Variants in FHIT observed in about 807,000 individuals in gnomAD.
The protein encoded by FHIT is bis(5'-adenosyl)-triphosphatase.
Under a neutral mutation model 17.9 loss-of-function variants are expected in FHIT, and 19 were observed. The observed-to-expected ratio is 1.06, with a 90% CI of 0.74 to 1.56. The LOEUF is 1.56. FHIT is among the 40% of genes most tolerant of loss of function. The pLI is 0.00. For missense variants in FHIT, 248 were observed against 189.2 expected, an observed-to-expected ratio of 1.31 and a Z score of -1.82; for synonymous variants, 81 against 69.7, an observed-to-expected ratio of 1.16 and a Z score of -0.81.
chr3:60,945,955 G>A (rs1708623331), intron 3 of FHIT, among the ~76,000 whole-genome samples: 1 of 152,170 alleles, frequency 6.6e-6, no homozygotes, highest in Non-Finnish European at 1.5e-5. Context: ...GCATAGTTGT[G>A]TGTCCTCCAT....
Position 60,770,482 on chromosome 3 carries a change from C to T in FHIT, c.-18+51437G>A, listed in dbSNP as rs569009352. ...GGCATGCGGTCTGCCCTCCTCTTCTCAGGCCACACAAGACTTCACTGTGGA... is the reference window on the plus strand; with the variant it reads ...GGCATGCGGTCTGCCCTCCTCTTCTTAGGCCACACAAGACTTCACTGTGGA... On this transcript the variant is annotated intron_variant, in intron 4 of 9. Transcript: ENST00000492590. Among the ~76,000 whole-genome samples the T allele has an allele frequency of 7.2e-5, 11 of 152,234 alleles. No homozygotes were observed. The South Asian group carries it at 2.3e-3, about 32-fold the overall frequency.
At chr3:59,782,418 C>A (rs1048754140) in intron 8 of FHIT, among the ~76,000 whole-genome samples, 1 of 152,160 alleles carries the variant, frequency 6.6e-6, no homozygotes, top group African/African-American at 2.4e-5. Context: ...CCATCCACAG[C>A]CTCTACATCC....
intron 3 of FHIT, among the ~76,000 whole-genome samples, chr3:61,021,310 A>C (rs2032411639): frequency 6.6e-6 from 1 of 152,202 alleles, no homozygotes; most frequent in Non-Finnish European, 1.5e-5. Flanking sequence ...GAAAAAGAAC[A>C]GAAATCAGGC....
At chr3:60,654,674 C>T (rs1240059496) in intron 4 of FHIT, among the ~76,000 whole-genome samples, 3 of 152,128 alleles carry the variant, frequency 2.0e-5, no homozygotes, top group African/African-American at 7.2e-5. Context: ...AATCCATTTG[C>T]ACCTGATTCT....
chr3:61,203,811 C>T (rs2039112903), intron 1 of FHIT, among the ~76,000 whole-genome samples: 1 of 152,186 alleles, frequency 6.6e-6, no homozygotes, highest in Non-Finnish European at 1.5e-5. Flanking sequence ...TACTGATTAA[C>T]TTGTTAAGGA....
chr3:60,146,104 C>T (rs1559674781), intron 5 of FHIT, among the ~76,000 whole-genome samples: 1 of 152,086 alleles, frequency 6.6e-6, no homozygotes, highest in Non-Finnish European at 1.5e-5. Context: ...AAATCTCTTA[C>T]AATTGCATGT....
chr3:60,919,274 G>A (rs1199558254), intron 3 of FHIT, among the ~76,000 whole-genome samples: 1 of 152,060 alleles, frequency 6.6e-6, no homozygotes, highest in Non-Finnish European at 1.5e-5. Context: ...TTTCAAGACA[G>A]CAAGAAATAT....
intron 5 of FHIT, among the ~76,000 whole-genome samples, chr3:60,327,957 A>C (rs1709779199): frequency 6.6e-6 from 1 of 152,206 alleles, no homozygotes; most frequent in Non-Finnish European, 1.5e-5. Context: ...GGGCAAGGGG[A>C]GGCCACAGTG....
At chr3:61,013,179 A>G (rs7429700) in intron 3 of FHIT, among the ~76,000 whole-genome samples, 2 of 152,000 alleles carry the variant, frequency 1.3e-5, no homozygotes, top group African/African-American at 4.8e-5. Flanking sequence ...AAGAAAGAAG[A>G]AAAAAAGGAG....
intron 5 of FHIT, among the ~76,000 whole-genome samples, chr3:60,164,001 C>A (rs548060886): frequency 6.8e-4 from 104 of 152,234 alleles, no homozygotes; most frequent in Middle Eastern, 6.8e-3. Context: ...TTCTGCTCAC[C>A]CTCAAATGTC....
At chr3:59,778,899 C>T (rs1702449645) in intron 8 of FHIT, among the ~76,000 whole-genome samples, 1 of 152,154 alleles carries the variant, frequency 6.6e-6, no homozygotes, top group Non-Finnish European at 1.5e-5. Flanking sequence ...TTACTCCTTC[C>T]CATGAATCAA....
intron 8 of FHIT, among the ~76,000 whole-genome samples, chr3:59,919,828 A>T (rs1705317297): frequency 6.6e-6 from 1 of 151,692 alleles, no homozygotes; most frequent in Non-Finnish European, 1.5e-5. Flanking sequence ...ATCCCTCATC[A>T]CTCCATCGCT....
At chr3:60,644,290 T>A (rs1392174671) in intron 4 of FHIT, among the ~76,000 whole-genome samples, 1 of 152,200 alleles carries the variant, frequency 6.6e-6, no homozygotes, top group East Asian at 1.9e-4. Context: ...ATATTTTTGT[T>A]TTCTCATTAT....
intron 2 of FHIT, among the ~76,000 whole-genome samples, chr3:61,062,521 C>G (rs1220541111): frequency 6.6e-6 from 1 of 151,974 alleles, no homozygotes; most frequent in African/African-American, 2.4e-5. Flanking sequence ...GAAACCTAGA[C>G]CAAAAAATAA....
intron 5 of FHIT, among the ~76,000 whole-genome samples, chr3:60,203,919 G>C (rs567564004): frequency 6.6e-6 from 1 of 152,136 alleles, no homozygotes; most frequent in South Asian, 2.1e-4. Flanking sequence ...AGACAGAGTA[G>C]AAGGATGGTT....
chr3:59,818,523 T>C (rs1700682764), intron 8 of FHIT, among the ~76,000 whole-genome samples: 1 of 85,550 alleles, frequency 1.2e-5, no homozygotes, highest in Admixed American at 1.3e-4. Context: ...GTCCAGGAGG[T>C]AAAATGTGAT....
In FHIT at chr3:60,008,055, C is replaced by T. The variant is rs533693334; in HGVS notation, c.279+3316G>A. On this transcript the variant is annotated intron_variant, in intron 7 of 9. Coordinates refer to ENST00000492590, the MANE Select transcript of FHIT (RefSeq NM_002012.4). ...CATAAACAATGACAAAATCCAGGTC[C>T]TCACAAAGCTTACCTTCTCAAAGAA... Among the ~76,000 whole-genome samples, 42 of 152,210 alleles carry T rather than the reference C, an allele frequency of 2.8e-4. No individual in the cohort carries two copies. The South Asian group carries it at 6.6e-3, about 24-fold the overall frequency.
chr3:60,527,920 A>T (rs1297724964), intron 5 of FHIT, among the ~76,000 whole-genome samples: 1 of 152,256 alleles, frequency 6.6e-6, no homozygotes, highest in Non-Finnish European at 1.5e-5. Context: ...AACTAGAGCC[A>T]CCATTGGTCT....
chr3:60,334,984 C>T lies in FHIT; in HGVS notation c.103+201876G>A, dbSNP rs552075983. Among the ~76,000 whole-genome samples, 324 of 152,018 alleles carry T rather than the reference C, an allele frequency of 2.1e-3. 2 individuals carry two copies. Among genetic ancestry groups the T allele is most frequent in the African/African-American group, 7.7e-3 (318 of 41,468 alleles). The stretch of plus-strand genomic sequence containing the variant: ...CTGAAAATAGTCCCATACAATGTAC[C>T]CAACAAAACTTCCTTTTTCAAAATT... On this transcript the variant is annotated intron_variant, in intron 5 of 9. Coordinates refer to ENST00000492590, the MANE Select transcript of FHIT (RefSeq NM_002012.4).
Sources: allele counts gnomAD v4.1 joint callset (sites outside exome capture counted in the v4.1 genomes callset), GRCh38; gene constraint gnomAD v4.1.1; transcripts MANE v1.5; gene names NCBI Gene and HGNC (gene_info 2026-07-23, HGNC 2026-07-21).